Variants in NRXN3 observed in about 807,000 individuals in gnomAD.
NRXN3 encodes the protein neurexin 3.
A neutral mutation model predicts 137.6 loss-of-function variants in NRXN3; 32 were observed. The observed-to-expected ratio is 0.23, with a 90% CI of 0.18 to 0.31. NRXN3 has a LOEUF of 0.31. Among genes scored for constraint, NRXN3 ranks in the 10% least tolerant of loss-of-function variants. The pLI is 1.00. For missense variants in NRXN3, 1,574 were observed against 2,062.5 expected, an observed-to-expected ratio of 0.76 and a Z score of 4.59; for synonymous variants, 798 against 784.5, an observed-to-expected ratio of 1.02 and a Z score of -0.29.
At chr14:79,339,096 C>T (rs2092450441) in intron 15 of NRXN3, among the ~76,000 whole-genome samples, 1 of 151,470 alleles carries the variant, frequency 6.6e-6, no homozygotes. Flanking sequence ...TCTGGGATCA[C>T]ACACCAACAG....
intron 16 of NRXN3, among the ~76,000 whole-genome samples, chr14:79,589,550 T>TA (rs58740411): frequency 0.45 from 39,358 of 86,714 alleles, 9,243 homozygotes; most frequent in Middle Eastern, 0.54. Context: ...GTAGAATACC[T>TA]AAAAAAAAAA....
In NRXN3 at chr14:79,713,302, G is replaced by T. The variant is rs1358547391; in HGVS notation, c.4014+15365G>T. On this transcript the variant is annotated intron_variant, in intron 19 of 20. Coordinates refer to ENST00000335750, the MANE Select transcript of NRXN3 (RefSeq NM_001330195.2). ...TAGTTCTTGCTTTTGTAAAGTTGTG[G>T]TTATTTGCCGATTAGCTGCCCTGTG... 1.4e-5 allele frequency among the ~76,000 whole-genome samples: 2 copies of T among 147,036 alleles called. 1 individual carries two copies. The highest frequency in any genetic ancestry group is 4.2e-4 in the East Asian group (2 of 4,818).
At chr14:78,813,452 C>T (rs549467930) in intron 10 of NRXN3, among the ~76,000 whole-genome samples, 2 of 152,248 alleles carry the variant, frequency 1.3e-5, no homozygotes, top group Admixed American at 6.5e-5. Context: ...CTGAGCCTTA[C>T]CTCTTGCTGC....
At chr14:78,236,233 G>A (rs189757130) in intron 1 of NRXN3, among the ~76,000 whole-genome samples, 212 of 152,228 alleles carry the variant, frequency 1.4e-3, no homozygotes, top group Non-Finnish European at 2.0e-3. Context: ...TCAAGAAACA[G>A]GATTCCTTCA....
chr14:78,259,226 T>C (rs1317833974), intron 2 of NRXN3, among the ~76,000 whole-genome samples: 1 of 152,114 alleles, frequency 6.6e-6, no homozygotes, highest in Non-Finnish European at 1.5e-5. Flanking sequence ...GTTTTGAATG[T>C]TTTTGCACAT....
At chr14:79,686,363 T>C (rs542065555) in intron 17 of NRXN3, among the ~76,000 whole-genome samples, 8 of 152,244 alleles carry the variant, frequency 5.3e-5, no homozygotes, top group African/African-American at 1.7e-4. Context: ...TGGAAGGCTC[T>C]CAAGGCAAGG....
intron 19 of NRXN3, among the ~76,000 whole-genome samples, chr14:79,776,980 T>C (rs10145081): frequency 0.079 from 12,053 of 152,218 alleles, 553 homozygotes; most frequent in South Asian, 0.16. Flanking sequence ...GTTCTCTTGC[T>C]TTCTGGCTCC....
At chr14:78,211,295 G>T (rs2062718229) in intron 1 of NRXN3, among the ~76,000 whole-genome samples, 1 of 152,214 alleles carries the variant, frequency 6.6e-6, no homozygotes, top group Admixed American at 6.5e-5. Flanking sequence ...CTAGGCTCTT[G>T]TGGGTGGCAC....
At chr14:79,796,031 A>G (rs1278955565) in intron 19 of NRXN3, among the ~76,000 whole-genome samples, 1 of 152,178 alleles carries the variant, frequency 6.6e-6, no homozygotes, top group Non-Finnish European at 1.5e-5. Context: ...ACTCAAAATG[A>G]GTATTTGTGG....
At chr14:78,613,593 T>G (rs2097319493) in intron 4 of NRXN3, among the ~76,000 whole-genome samples, 3 of 149,662 alleles carry the variant, frequency 2.0e-5, no homozygotes, top group Non-Finnish European at 4.4e-5. Context: ...TTTTTTTTTT[T>G]TTTTTTTTTT....
chr14:79,254,138 A>G (rs1361898321), intron 15 of NRXN3, among the ~76,000 whole-genome samples: 1 of 152,118 alleles, frequency 6.6e-6, no homozygotes, highest in African/African-American at 2.4e-5. Context: ...ATGTGCCCCC[A>G]TAACACTCTG....
At chr14:79,254,470 C>A (rs2076322744) in intron 15 of NRXN3, among the ~76,000 whole-genome samples, 1 of 152,036 alleles carries the variant, frequency 6.6e-6, no homozygotes, top group Non-Finnish European at 1.5e-5. Context: ...AATATTTCAC[C>A]TCTTCACTCT....
At position 79,415,934 on chromosome 14, in the gene NRXN3, A is replaced by G. The variant is rs971663570; in HGVS notation, c.3263-51287A>G. Among the ~76,000 whole-genome samples, 5 of 152,110 alleles carry G rather than the reference A, an allele frequency of 3.3e-5. No individual in the cohort carries two copies. In the South Asian group the frequency reaches 8.3e-4, roughly 25 times the overall value. On this transcript the variant is annotated intron_variant, in intron 15 of 20. Transcript: ENST00000335750. ...TAACAGATTTCTTGGTGACTCATAT[A>G]CATGTTAAAGGTTGTGAACACTGTT... is the stretch of plus-strand genomic sequence containing the variant.
At chr14:79,162,146 TTTA>T (rs768415849) in intron 15 of NRXN3, among the ~76,000 whole-genome samples, 2 of 151,578 alleles carry the variant, frequency 1.3e-5, no homozygotes, top group Non-Finnish European at 2.9e-5. Flanking sequence ...TTTTTTTTAA[TTTA>T]TTATTATTAT....
At chr14:79,308,948 T>C (rs1426478821) in intron 15 of NRXN3, among the ~76,000 whole-genome samples, 2 of 144,036 alleles carry the variant, frequency 1.4e-5, no homozygotes, top group Non-Finnish European at 3.0e-5. Context: ...TTTTTTATTA[T>C]ACTCTAAGTT....
At chr14:78,385,775 G>A (rs1229791105) in intron 4 of NRXN3, among the ~76,000 whole-genome samples, 1 of 152,080 alleles carries the variant, frequency 6.6e-6, no homozygotes, top group East Asian at 1.9e-4. Flanking sequence ...CTTCTCACAA[G>A]GTTTAGAAGG....
intron 15 of NRXN3, among the ~76,000 whole-genome samples, chr14:79,061,312 T>A (rs1265363657): frequency 1.3e-5 from 2 of 152,186 alleles, no homozygotes; most frequent in African/African-American, 2.4e-5. Flanking sequence ...TACAAAGCTG[T>A]AGACCTTGGT....
chr14:78,442,208 G>A (rs1436752782), intron 4 of NRXN3, among the ~76,000 whole-genome samples: 1 of 151,404 alleles, frequency 6.6e-6, no homozygotes, highest in African/African-American at 2.4e-5. Flanking sequence ...CAGACGTCAC[G>A]GTAAGCAGAG....
intron 4 of NRXN3, among the ~76,000 whole-genome samples, chr14:78,459,110 C>A (rs1204477940): frequency 6.6e-6 from 1 of 152,186 alleles, no homozygotes; most frequent in African/African-American, 2.4e-5. Flanking sequence ...ACTTACATAG[C>A]TAACATACTG....
Sources: allele counts gnomAD v4.1 joint callset (sites outside exome capture counted in the v4.1 genomes callset), GRCh38; gene constraint gnomAD v4.1.1; transcripts MANE v1.5; gene names NCBI Gene and HGNC (gene_info 2026-07-23, HGNC 2026-07-21).